Variants in KRT15 observed in about 807,000 individuals in gnomAD.
KRT15 encodes keratin, type I cytoskeletal 15.
Under a neutral mutation model 46.6 loss-of-function variants are expected in KRT15, and 45 were observed. That is an observed-to-expected ratio of 0.97 (90% CI 0.76 to 1.24). KRT15 has a LOEUF of 1.24. Ranked by LOEUF, KRT15 falls within the 50% of genes most tolerant of loss-of-function variation. KRT15 has a pLI of 0.00. For missense variants in KRT15, 592 were observed against 588.9 expected (o/e 1.01, Z -0.05); for synonymous variants, 221 against 233.8 (o/e 0.95, Z 0.50).
chr17:41,514,116 A>G lies in KRT15; in HGVS notation c.1278T>C (p.Ser426=), dbSNP rs1905250859. 1.9e-6 allele frequency: 3 copies of G among 1,613,080 alleles called. No homozygotes were observed. The highest frequency in any genetic ancestry group is 2.2e-5 in the East Asian group (1 of 44,874). Residue 426 remains serine, a synonymous_variant, in exon 8 of 8, where the codon TCT becomes TCC. Transcript: ENST00000254043. ...TGCTGCTGCTACCACCACCTCCTGA[A>G]GAGGCTAGAGAGAGAAGGAGTAGGC... The part of the protein sequence containing the change: ...KMAGIAIREA[S]SGGGGSSSNF...
At chr17:41,515,321 A>T (rs1905298071) in intron 6 of KRT15, 151 bp downstream of exon 6, 2 of 642,318 alleles carry the variant, frequency 3.1e-6, no homozygotes, top group Admixed American at 5.2e-5. Flanking sequence ...CAAGGACCAG[A>T]GTGAGGAGTC....
chr17:41,516,040 C>T (rs1419716567), intron 4 of KRT15, 30 bp from the exon 5 acceptor site: 5 of 1,614,026 alleles, frequency 3.1e-6, no homozygotes, highest in African/African-American at 1.3e-5. Context: ...GAAGTGAGCC[C>T]CGGGGCCTCC....
At chr17:41,514,495 G>A (rs904571387) in intron 7 of KRT15, 154 bp downstream of exon 7, 1 of 685,426 alleles carries the variant, frequency 1.5e-6, no homozygotes. Context: ...GGGGCTGACA[G>A]AAGTTCCCAC....
At chr17:41,514,168 T>C (rs969312306) in intron 7 of KRT15, 48 bp from the exon 8 acceptor site, 3 of 1,472,468 alleles carry the variant, frequency 2.0e-6, no homozygotes, top group Non-Finnish European at 2.9e-6. Flanking sequence ...CTCCCCGCTC[T>C]GCCACGGTGG....
rs1282072796 is a variant in KRT15 at position 41,515,956 on chromosome 17, T to C, written c.955A>G (p.Lys319Glu). The C allele has an allele frequency of 5.0e-6, 8 of 1,614,074 alleles. No individual in the cohort carries two copies. Among genetic ancestry groups the C allele is most frequent in the Non-Finnish European group, 6.8e-6 (8 of 1,180,038 alleles). Residue 319 changes from lysine (K) to glutamate (E), a missense_variant, in exon 5 of 8, where the codon AAG becomes GAG. Transcript: ENST00000254043. ...CGTCTCAGGTCTGTGATCTCCGTCT[T>C]GCTGGTCTGGATCATTTCTGTGTTG... ...ASNTEMIQTS[K>E]TEITDLRRTM...
At chr17:41,514,372 G>C in intron 7 of KRT15, 1 of 598,646 alleles carries the variant, frequency 1.7e-6, no homozygotes. Context: ...GGGATGAATT[G>C]TGGGCATCTT....
In KRT15 at chr17:41,516,180, AG is replaced by A; in HGVS notation, c.823del (p.Leu275TrpfsTer4). On this transcript the variant is annotated frameshift_variant, in exon 4 of 8. Transcript: ENST00000254043. LOFTEE classifies it high-confidence loss of function. ...AAPGVDLTRV[L>X]AEMREQYEAM... ...CTCGTACTGCTCCCTCATCTCTGCCAGCACACGGGTCAGGTCCACACCCGGT... is the reference window on the plus strand; with the variant it reads ...CTCGTACTGCTCCCTCATCTCTGCCACACACGGGTCAGGTCCACACCCGGT... 6.2e-7 allele frequency: 1 copy of A among 1,614,160 alleles called. No individual in the cohort carries two copies. Among genetic ancestry groups the A allele is most frequent in the Non-Finnish European group, 8.5e-7 (1 of 1,180,002 alleles).
intron 4 of KRT15, 38 bp downstream of exon 4, chr17:41,516,066 C>T: frequency 6.2e-7 from 1 of 1,614,128 alleles, no homozygotes; most frequent in Non-Finnish European, 8.5e-7. Flanking sequence ...GACTCAGGGA[C>T]CTGGGGCAGG....
rs906584712 is a variant in KRT15 at position 41,517,157 on chromosome 17, G to T, written c.507C>A (p.Ala169=). ...TIEELRDKIM[A]TTIDNSRVIL... The stretch of plus-strand genomic sequence containing the variant: ...TGACCCGGGAGTTGTCGATGGTGGT[G>T]GCCATGATCTGCAGGAGACAGAGTC... The change falls in exon 2 of 8, where the codon GCC becomes GCA. Residue 169 remains alanine, a synonymous_variant. Transcript: ENST00000254043. 6.2e-7 allele frequency: 1 copy of T among 1,613,918 alleles called. No homozygotes were observed. Among genetic ancestry groups the T allele is most frequent in the African/African-American group, 1.3e-5 (1 of 74,888 alleles).
chr17:41,514,319 C>T, intron 7 of KRT15, 199 bp from the exon 8 acceptor site: 1 of 604,774 alleles, frequency 1.7e-6, no homozygotes, highest in Non-Finnish European at 2.9e-6. Context: ...GTATGCCCGG[C>T]AGGGAGCAAC....
In KRT15 at chr17:41,514,652, C is replaced by T; in HGVS notation, c.1270G>A (p.Glu424Lys). 6.2e-7 allele frequency: 1 copy of T among 1,613,562 alleles called. No homozygotes were observed. Among genetic ancestry groups the T allele is most frequent in the South Asian group, 1.1e-5 (1 of 91,062 alleles). Residue 424 changes from glutamate to lysine, a missense_variant, in exon 7 of 8, where the codon GAA becomes AAA. Transcript: ENST00000254043. ...DAKMAGIAIR[E>K]ASSGGGGSSS... ...CAGAAGAGTAAAGCCTTCCTACCTT[C>T]CCTGATGGCAATGCCAGCCATCCTG...
chr17:41,514,716 C>A, intron 6 of KRT15, 42 bp from the exon 7 acceptor site: 1 of 1,609,260 alleles, frequency 6.2e-7, no homozygotes. Flanking sequence ...AGGGCACAAG[C>A]TCAAGTGTCC....
At chr17:41,516,654 A>T (rs1015029604) in intron 3 of KRT15, among the ~76,000 whole-genome samples, 154 bp downstream of exon 3, 2 of 152,214 alleles carry the variant, frequency 1.3e-5, no homozygotes, top group African/African-American at 4.8e-5. Flanking sequence ...AGGAAGTACC[A>T]ACAGCCCCAC....
chr17:41,514,810 TG>T, intron 6 of KRT15, 136 bp from the exon 7 acceptor site: 1 of 771,410 alleles, frequency 1.3e-6, no homozygotes, highest in Non-Finnish European at 2.2e-6. Context: ...CCTCTAGGGG[TG>T]GGACATCCTG....
At chr17:41,514,732 GGAA>G in intron 6 of KRT15, 58 bp from the exon 7 acceptor site, 1 of 1,578,834 alleles carries the variant, frequency 6.3e-7, no homozygotes, top group East Asian at 2.2e-5. Context: ...TGTCCGTAAG[GGAA>G]GCTCATGTAG....
intron 7 of KRT15, 164 bp downstream of exon 7, chr17:41,514,484 TG>T: frequency 1.5e-6 from 1 of 654,622 alleles, no homozygotes; most frequent in Non-Finnish European, 2.7e-6. Flanking sequence ...CAATCTCACC[TG>T]GGGCTGACAG....
At chr17:41,514,751 T>C (rs1256917753) in intron 6 of KRT15, 77 bp from the exon 7 acceptor site, 13 of 1,491,464 alleles carry the variant, frequency 8.7e-6, no homozygotes, top group Non-Finnish European at 1.2e-5. Context: ...TGTAGATAGC[T>C]ATGCAGTGTT....
Position 41,516,838 on chromosome 17 carries a change from C to G in KRT15, c.708G>C (p.Glu236Asp). Residue 236 changes from glutamate to aspartate, a missense_variant, in exon 3 of 8, where the codon GAG becomes GAC. By Grantham distance (45) the Glu-to-Asp change is conservative (BLOSUM62 2). Coordinates refer to ENST00000254043, the MANE Select transcript of KRT15 (RefSeq NM_002275.4). ...LEMQIEGLNE[E>D]LAYLKKNHEE... ...CGTGGTTCTTCTTCAGGTAGGCTAG[C>G]TCCTCATTCAGGCCCTCGATCTGCA... The G allele has an allele frequency of 6.2e-7, 1 of 1,614,256 alleles. No individual in the cohort carries two copies. Among genetic ancestry groups the G allele is most frequent in the South Asian group, 1.1e-5 (1 of 91,086 alleles).
At chr17:41,515,048 G>A (rs988853235) in intron 6 of KRT15, 1 of 282,342 alleles carries the variant, frequency 3.5e-6, no homozygotes, top group Non-Finnish European at 6.8e-6. Flanking sequence ...TGTATTTTTA[G>A]TAGAGACGGG....
Sources: gnomAD v4.1 joint callset for allele counts (sites outside exome capture counted in the v4.1 genomes callset) on GRCh38, gnomAD v4.1.1 for gene constraint, MANE v1.5 for transcripts, NCBI Gene and HGNC (gene_info 2026-07-23, HGNC 2026-07-21) for gene names.